TMPO: variants seen among roughly 807,000 people sequenced by gnomAD.
The protein encoded by TMPO is LEM domain containing 4.
Under a neutral mutation model 45.4 loss-of-function variants are expected in TMPO, and 22 were observed. The observed-to-expected ratio is 0.48, with a 90% CI of 0.35 to 0.69. The LOEUF is 0.69. Among genes scored for constraint, TMPO ranks in the 30% least tolerant of loss-of-function variants. TMPO has a pLI of 0.01. For missense variants in TMPO, 512 were observed against 548.8 expected, an observed-to-expected ratio of 0.93 and a Z score of 0.67; for synonymous variants, 241 against 204.1, an observed-to-expected ratio of 1.18 and a Z score of -1.54.
At position 98,521,099 on chromosome 12, in the gene TMPO, A is replaced by ATTTTTTT. The variant is rs1565804759; in HGVS notation, c.279+4953_279+4954insTTTTTTT. On this transcript the variant is annotated intron_variant, in intron 1 of 8. Transcript: ENST00000556029. ...TCTATTTAATCATGGGTTTATGAGGAATTTTTTTTTTTTTTTTTTTTTTTT... is the reference window on the plus strand; with the variant it reads ...TCTATTTAATCATGGGTTTATGAGGATTTTTTTATTTTTTTTTTTTTTTTTTTTTTTT... Among the ~76,000 whole-genome samples, 140 of 93,036 alleles carry ATTTTTTT rather than the reference A, an allele frequency of 1.5e-3. 4 individuals carry two copies. The highest frequency in any genetic ancestry group is 4.9e-3 in the African/African-American group (121 of 24,800). The allele number at this position is 93,036 out of a possible 152,430, so 61.0% of individuals were successfully genotyped here. A position where few individuals can be genotyped will look rare whatever the true frequency, so the allele number is the denominator to read the frequency against.
intron 1 of TMPO, among the ~76,000 whole-genome samples, chr12:98,524,889 T>C (rs1876651043): frequency 6.6e-6 from 1 of 152,206 alleles, no homozygotes; most frequent in Admixed American, 6.5e-5. Flanking sequence ...CCACTGCACC[T>C]GGCCCAAAGA....
intron 2 of TMPO, 67 bp downstream of exon 2, chr12:98,528,079 T>C: frequency 6.3e-7 from 1 of 1,597,362 alleles, no homozygotes; most frequent in Non-Finnish European, 8.6e-7. Context: ...ATTTTCTCCT[T>C]TTTGTTTAGC....
chr12:98,546,666 ACT>A (rs949228095), intron 8 of TMPO, among the ~76,000 whole-genome samples: 14 of 151,644 alleles, frequency 9.2e-5, no homozygotes, highest in Non-Finnish European at 1.5e-4. Context: ...ACATAATGAG[ACT>A]CTGTCTACCC....
intron 1 of TMPO, among the ~76,000 whole-genome samples, chr12:98,522,979 C>T (rs533795144): frequency 1.3e-5 from 2 of 152,286 alleles, no homozygotes; most frequent in East Asian, 1.9e-4. Flanking sequence ...TAGAGAAGCT[C>T]ATCGGTGATA....
rs371223654 is a variant in TMPO at position 98,547,876 on chromosome 12, C to T, written c.*18C>T. 13 of 1,612,720 alleles carry T rather than the reference C, an allele frequency of 8.1e-6. No homozygotes were observed. In the East Asian group the frequency reaches 8.9e-5, roughly 11 times the overall value. On this transcript the variant is annotated 3_prime_UTR_variant, in exon 9 of 9. Coordinates refer to ENST00000556029, the MANE Select transcript of TMPO (RefSeq NM_001032283.3). ...CCAACTGAATGGTATCTCTTTGGCA[C>T]GTTCAACTTGGTCTCCTATTTTCAA...
At chr12:98,519,902 T>G (rs958256252) in intron 1 of TMPO, among the ~76,000 whole-genome samples, 18 of 152,226 alleles carry the variant, frequency 1.2e-4, no homozygotes, top group African/African-American at 4.3e-4. Flanking sequence ...TTTGGTCATT[T>G]TTAGCCCCAT....
At chr12:98,543,262 T>C (rs1229514664) in intron 4 of TMPO, among the ~76,000 whole-genome samples, 1 of 152,262 alleles carries the variant, frequency 6.6e-6, no homozygotes, top group Non-Finnish European at 1.5e-5. Flanking sequence ...AAGGACACTC[T>C]ACTATAATAC....
At chr12:98,536,538 G>A (rs71440821) in intron 3 of TMPO, among the ~76,000 whole-genome samples, 1 of 152,092 alleles carries the variant, frequency 6.6e-6, no homozygotes, top group African/African-American at 2.4e-5. Flanking sequence ...ATTTTTAGTA[G>A]AGACGGGGTT....
chr12:98,525,907 G>A (rs750317150), intron 1 of TMPO, among the ~76,000 whole-genome samples: 7 of 151,760 alleles, frequency 4.6e-5, no homozygotes, highest in East Asian at 1.9e-4. Context: ...AGCCTTTTTC[G>A]TAAAATTTAC....
intron 4 of TMPO, 59 bp downstream of exon 4, chr12:98,537,631 T>A: frequency 7.6e-7 from 1 of 1,309,210 alleles, no homozygotes; most frequent in Non-Finnish European, 1.1e-6. Context: ...ACAACACTAA[T>A]CCATGTTTTA....
intron 3 of TMPO, chr12:98,533,973 A>T: frequency 6.2e-7 from 1 of 1,610,552 alleles, no homozygotes; most frequent in Non-Finnish European, 8.5e-7. Flanking sequence ...TCTGTAGAGC[A>T]TATGAAGCTG....
At chr12:98,543,990 T>G (rs1878072803) in intron 4 of TMPO, among the ~76,000 whole-genome samples, 1 of 152,170 alleles carries the variant, frequency 6.6e-6, no homozygotes, top group South Asian at 2.1e-4. Flanking sequence ...CCATAATGTT[T>G]ATAATTTGTG....
chr12:98,529,759 A>G (rs993147270), intron 2 of TMPO, among the ~76,000 whole-genome samples: 5 of 151,992 alleles, frequency 3.3e-5, no homozygotes, highest in East Asian at 1.9e-4. Context: ...GGGGCACACT[A>G]TATTGCCCAG....
intron 1 of TMPO, among the ~76,000 whole-genome samples, chr12:98,522,807 C>G (rs1383700453): frequency 2.0e-5 from 3 of 152,202 alleles, no homozygotes; most frequent in Non-Finnish European, 4.4e-5. Context: ...TCTGAGTTGT[C>G]AGATGGGGAT....
At chr12:98,531,185 C>G (rs562680592) in intron 2 of TMPO, among the ~76,000 whole-genome samples, 86 of 151,672 alleles carry the variant, frequency 5.7e-4, no homozygotes, top group Non-Finnish European at 1.0e-3. Context: ...GGTGATCCAC[C>G]CGCCTTGGCC....
At position 98,547,766 on chromosome 12, in the gene TMPO, G is replaced by GT; in HGVS notation, c.1280dup (p.Leu427PhefsTer18). Reference sequence around the variant, plus strand: ...AATTTTGCTGTTTGTTGTTGTGGCAGTTTTTTTGTTTTTGGTCTATCAAGC... The same window carrying GT: ...AATTTTGCTGTTTGTTGTTGTGGCAGTTTTTTTTGTTTTTGGTCTATCAAGC... On this transcript the variant is annotated frameshift_variant, in exon 9 of 9. Coordinates refer to ENST00000556029, the MANE Select transcript of TMPO (RefSeq NM_001032283.3). LOFTEE classifies it high-confidence loss of function. The GT allele has an allele frequency of 6.2e-7, 1 of 1,614,120 alleles. No individual in the cohort carries two copies.
chr12:98,542,872 A>ATAAG (rs372832620), intron 4 of TMPO, among the ~76,000 whole-genome samples: 1 of 151,998 alleles, frequency 6.6e-6, no homozygotes, highest in Non-Finnish European at 1.5e-5. Flanking sequence ...AAATAAATAA[A>ATAAG]ATAAAAATTA....
intron 3 of TMPO, among the ~76,000 whole-genome samples, chr12:98,536,912 T>G (rs1348245323): frequency 6.6e-6 from 1 of 152,212 alleles, no homozygotes; most frequent in Non-Finnish European, 1.5e-5. Context: ...ACCTGAGTTG[T>G]ACCTAGGTTT....
At chr12:98,522,988 TATC>T (rs1876483624) in intron 1 of TMPO, among the ~76,000 whole-genome samples, 1 of 152,210 alleles carries the variant, frequency 6.6e-6, no homozygotes, top group Non-Finnish European at 1.5e-5. Context: ...TCATCGGTGA[TATC>T]ATAGAGCTGT....
Sources: gnomAD v4.1 joint callset for allele counts (sites outside exome capture counted in the v4.1 genomes callset) on GRCh38, gnomAD v4.1.1 for gene constraint, MANE v1.5 for transcripts, NCBI Gene and HGNC (gene_info 2026-07-23, HGNC 2026-07-21) for gene names.